SH3D19: variants seen among roughly 807,000 people sequenced by gnomAD.
SH3D19 encodes SH3 domain-containing protein 19.
SH3D19 carries 58 observed loss-of-function variants against 112.1 expected under a neutral mutation model. That is an observed-to-expected ratio of 0.52 (90% CI 0.42 to 0.64). The LOEUF (loss-of-function observed/expected upper bound fraction) is 0.64, where lower values mean the gene tolerates loss of function less well. SH3D19 is among the 30% of genes least tolerant of loss of function. The probability of loss-of-function intolerance (pLI) is 0.00; values close to 1 mark genes in which losing one functional copy is unlikely to be tolerated. For synonymous variants in SH3D19, 391 were observed against 448.5 expected (o/e 0.87, Z 1.62); for missense variants, 1,090 against 1,263.4 (o/e 0.86, Z 2.08).
At chr4:151,188,314 G>T (rs1762101686) in intron 2 of SH3D19, among the ~76,000 whole-genome samples, 1 of 152,156 alleles carries the variant, frequency 6.6e-6, no homozygotes, top group African/African-American at 2.4e-5. Context: ...CAGTAATACT[G>T]ATTTTTTAAA....
intron 7 of SH3D19, 82 bp from the exon 8 acceptor site, chr4:151,165,778 T>A (rs2149807722): frequency 1.7e-6 from 2 of 1,193,318 alleles, no homozygotes; most frequent in East Asian, 2.4e-5. Context: ...TTAAGAGTCA[T>A]ATTTTTCATG....
At chr4:151,177,118 C>T (rs1760070744) in intron 4 of SH3D19, among the ~76,000 whole-genome samples, 163 bp from the exon 5 acceptor site, 1 of 152,222 alleles carries the variant, frequency 6.6e-6, no homozygotes, top group South Asian at 2.1e-4. Context: ...TCTGACAGTA[C>T]ACCCAGACAG....
intron 9 of SH3D19, among the ~76,000 whole-genome samples, 185 bp downstream of exon 9, chr4:151,159,055 T>C (rs995148038): frequency 6.6e-6 from 1 of 152,218 alleles, no homozygotes; most frequent in African/African-American, 2.4e-5. Flanking sequence ...CTAATCTCTC[T>C]ATAGGGACTT....
chr4:151,190,959 A>G (rs536523930), intron 2 of SH3D19, among the ~76,000 whole-genome samples: 1 of 152,348 alleles, frequency 6.6e-6, no homozygotes, highest in African/African-American at 2.4e-5. Flanking sequence ...TGGGGAGGCT[A>G]TACCCTGCAA....
rs147691229 is a variant in SH3D19, at chr4:151,185,449, A to T, written c.193+1974T>A. 2.8e-4 allele frequency among the ~76,000 whole-genome samples: 42 copies of T among 152,268 alleles called. 1 individual carries two copies. In the East Asian group the frequency reaches 5.4e-3, roughly 20 times the overall value. On this transcript the variant is annotated intron_variant, in intron 3 of 19. Coordinates refer to ENST00000604030, the MANE Select transcript of SH3D19 (RefSeq NM_001378122.1). ...CTTATAACAGTGATTACTCTAAGTT[A>T]TATCTCCAGCCAATAAATTCTTGCC...
intron 1 of SH3D19, among the ~76,000 whole-genome samples, chr4:151,243,247 C>G (rs981845871): frequency 1.3e-5 from 2 of 152,086 alleles, no homozygotes; most frequent in Non-Finnish European, 2.9e-5. Context: ...TAATCTGTGT[C>G]CAACTATTTG....
intron 3 of SH3D19, among the ~76,000 whole-genome samples, chr4:151,182,536 C>T (rs892077336): frequency 1.3e-5 from 2 of 152,180 alleles, no homozygotes; most frequent in East Asian, 1.9e-4. Context: ...GTCTTGCAGT[C>T]GTACGTACAG....
chr4:151,270,599 T>C (rs1315532350), intron 1 of SH3D19, among the ~76,000 whole-genome samples: 1 of 145,516 alleles, frequency 6.9e-6, no homozygotes, highest in African/African-American at 2.5e-5. Flanking sequence ...GTATATGTTA[T>C]GCTTTTATAC....
intron 17 of SH3D19, among the ~76,000 whole-genome samples, chr4:151,128,766 G>A (rs1427105528): frequency 6.6e-6 from 1 of 151,836 alleles, no homozygotes; most frequent in African/African-American, 2.4e-5. Flanking sequence ...TCAGCCTCCC[G>A]AGTAGCTGGG....
intron 1 of SH3D19, among the ~76,000 whole-genome samples, chr4:151,240,111 T>A (rs1265060157): frequency 8.8e-5 from 1 of 11,364 alleles, no homozygotes; most frequent in Non-Finnish European, 1.7e-3. Flanking sequence ...CCAAAAGAAA[T>A]TTTTTTTAAT....
chr4:151,189,692 C>T (rs1256749065), intron 2 of SH3D19, among the ~76,000 whole-genome samples: 2 of 152,120 alleles, frequency 1.3e-5, no homozygotes, highest in Non-Finnish European at 2.9e-5. Flanking sequence ...GATTGTGAGG[C>T]CTCTCCAGCC....
At chr4:151,241,102 T>C (rs1214653874) in intron 1 of SH3D19, among the ~76,000 whole-genome samples, 1 of 135,412 alleles carries the variant, frequency 7.4e-6, no homozygotes, top group Non-Finnish European at 1.6e-5. Context: ...CTGGGTAAGG[T>C]GGTGAAACGT....
In SH3D19 at chr4:151,322,098, C is replaced by T. The variant is rs1282576861; in HGVS notation, c.112+3143G>A. Reference sequence around the variant, plus strand: ...CCAAACAATGGAATACTCTCTGCTCCCCATTTACTTTCCTATAACTGCTTA... The same window carrying T: ...CCAAACAATGGAATACTCTCTGCTCTCCATTTACTTTCCTATAACTGCTTA... On this transcript the variant is annotated intron_variant, in intron 1 of 19. Coordinates refer to ENST00000604030, the MANE Select transcript of SH3D19 (RefSeq NM_001378122.1). Among the ~76,000 whole-genome samples, 4 of 152,122 alleles carry T rather than the reference C, an allele frequency of 2.6e-5. No individual in the cohort carries two copies. The East Asian group carries it at 7.7e-4, about 29-fold the overall frequency.
At chr4:151,184,051 T>G (rs1761354269) in intron 3 of SH3D19, among the ~76,000 whole-genome samples, 2 of 152,214 alleles carry the variant, frequency 1.3e-5, no homozygotes, top group South Asian at 4.1e-4. Context: ...AATAATTTTC[T>G]CTTAAAAAGT....
chr4:151,135,986 AAAAACAAAACAAAACAAAAC>A (rs529509279), intron 14 of SH3D19, among the ~76,000 whole-genome samples: 8 of 148,752 alleles, frequency 5.4e-5, no homozygotes, highest in Admixed American at 2.7e-4. Flanking sequence ...AGACTGTCTC[AAAAACAAAACAAAACAAAAC>A]AAAACAAAAC....
Position 151,128,165 on chromosome 4 carries a change from C to T in SH3D19, c.2929+5G>A. ...AGTCGCATTCATGTCTTGCGGTTGTCATACCTGGGCAGGGCCTCACAAACA... is the reference window on the plus strand; with the variant it reads ...AGTCGCATTCATGTCTTGCGGTTGTTATACCTGGGCAGGGCCTCACAAACA... On this transcript the variant is annotated splice_donor_5th_base_variant and intron_variant, in intron 18 of 19. Transcript: ENST00000604030. The T allele has an allele frequency of 1.3e-6, 2 of 1,589,634 alleles. No homozygotes were observed. The highest frequency in any genetic ancestry group is 1.2e-5 in the South Asian group (1 of 86,698).
chr4:151,135,232 C>T (rs1014919934), intron 14 of SH3D19, 100 bp from the exon 15 acceptor site: 83 of 902,244 alleles, frequency 9.2e-5, no homozygotes, highest in African/African-American at 3.8e-4. Context: ...TGAAATCGAT[C>T]GGTTTAGCTA....
chr4:151,251,222 G>A (rs1439415362), intron 1 of SH3D19, among the ~76,000 whole-genome samples: 2 of 141,436 alleles, frequency 1.4e-5, no homozygotes, highest in East Asian at 2.0e-4. Flanking sequence ...TTCCTGAGAC[G>A]GAGTCTTGCT....
intron 1 of SH3D19, among the ~76,000 whole-genome samples, chr4:151,293,579 C>CTAG (rs1475436232): frequency 6.6e-6 from 1 of 152,338 alleles, no homozygotes; most frequent in Admixed American, 6.5e-5. Flanking sequence ...AGCCTCCTAA[C>CTAG]TAGCATTTCC....
Sources: allele counts gnomAD v4.1 joint callset (sites outside exome capture counted in the v4.1 genomes callset), GRCh38; gene constraint gnomAD v4.1.1; transcripts MANE v1.5; gene names NCBI Gene and HGNC (gene_info 2026-07-23, HGNC 2026-07-21).